Variants in MAX observed in about 807,000 individuals in gnomAD.
MAX encodes the protein protein max.
In MAX, 3 loss-of-function variants were observed where a neutral mutation model predicts 22.3. The ratio of observed to expected loss-of-function variants is 0.13; its 90% CI spans 0.06 to 0.35. MAX has a LOEUF of 0.35. MAX is among the 10% of genes least tolerant of loss of function. The pLI is 1.00. For missense variants in MAX, 119 were observed against 209.4 expected, an observed-to-expected ratio of 0.57 and a Z score of 2.66; for synonymous variants, 72 against 77.7, an observed-to-expected ratio of 0.93 and a Z score of 0.39.
At chr14:65,006,536 C>T (rs1344398883) in intron 3 of MAX, among the ~76,000 whole-genome samples, 1 of 152,172 alleles carries the variant, frequency 6.6e-6, no homozygotes, top group Non-Finnish European at 1.5e-5. Context: ...AGCTTAGCCT[C>T]CCCAGAGGGG....
intron 3 of MAX, among the ~76,000 whole-genome samples, chr14:65,055,758 A>G (rs745430603): frequency 2.0e-5 from 3 of 152,030 alleles, no homozygotes; most frequent in Non-Finnish European, 4.4e-5. Flanking sequence ...CTCAAGTGAT[A>G]TGCCTGCCTC....
Position 65,007,735 on chromosome 14 carries a change from C to T in MAX, c.172-1451G>A, listed in dbSNP as rs148307670. ...CCCTGTGGGTATTGTCACGGTTTCACACCCTTTTGAATGTACCCTTTTGCA... is the reference window on the plus strand; with the variant it reads ...CCCTGTGGGTATTGTCACGGTTTCATACCCTTTTGAATGTACCCTTTTGCA... On this transcript the variant is annotated intron_variant, in intron 3 of 3. Transcript: ENST00000341653. This position sits in a 1 kb window ranked among gnomAD's most constrained non-coding sequence, Gnocchi z 4.9. Among the ~76,000 whole-genome samples, 13 of 152,316 alleles carry T rather than the reference C, an allele frequency of 8.5e-5. No homozygotes were observed. In the East Asian group the frequency reaches 2.5e-3, roughly 29 times the overall value.
At chr14:65,057,913 T>A (rs558040014) in intron 3 of MAX, among the ~76,000 whole-genome samples, 2 of 152,342 alleles carry the variant, frequency 1.3e-5, no homozygotes, top group South Asian at 4.1e-4. Context: ...CTTTGGTCTG[T>A]TTGCCTATCT....
intron 3 of MAX, among the ~76,000 whole-genome samples, chr14:65,058,277 G>A (rs2062786850): frequency 6.7e-6 from 1 of 148,262 alleles, no homozygotes. Context: ...TTCGGTTAGA[G>A]TTATGTCTAA....
intron 3 of MAX, chr14:65,015,500 T>C (rs1247459716): frequency 2.9e-6 from 2 of 688,736 alleles, no homozygotes; most frequent in Admixed American, 5.9e-5. Flanking sequence ...CACTGATTGT[T>C]GTTTGAGCAA....
In MAX at chr14:65,007,047, G is replaced by A. The variant is rs2061605835; in HGVS notation, c.172-763C>T. 6.6e-6 allele frequency among the ~76,000 whole-genome samples: 1 copy of A among 152,162 alleles called. No homozygotes were observed. Among genetic ancestry groups the A allele is most frequent in the Admixed American group, 6.5e-5 (1 of 15,278 alleles). ...TTCACAATTACCCGTTTTTATCATT[G>A]TTGCCTATGAAATTGAGTGTTTTAA... On this transcript the variant is annotated intron_variant, in intron 3 of 3. Coordinates refer to the MAX transcript ENST00000341653. This position sits in a 1 kb window ranked among gnomAD's most constrained non-coding sequence, Gnocchi z 4.9.
chr14:65,010,348 A>T (rs2061663907), intron 3 of MAX, among the ~76,000 whole-genome samples: 1 of 152,150 alleles, frequency 6.6e-6, no homozygotes, highest in African/African-American at 2.4e-5. Flanking sequence ...GTGTGCAGAC[A>T]AATGCTTCGT....
In MAX at chr14:65,078,207, T is replaced by A. The variant is rs188570373; in HGVS notation, c.172-171A>T. Among the ~76,000 whole-genome samples, 4,517 of 148,466 alleles carry A rather than the reference T, an allele frequency of 0.03. 178 individuals carry two copies. Among genetic ancestry groups the A allele is most frequent in the African/African-American group, 0.091 (3,707 of 40,852 alleles). ...GTAGGCTTTATTTATTTATTTATTT[T>A]TTTATTTTTTTGAGACAGAGTTTCG... On this transcript the variant is annotated intron_variant, in intron 3 of 4. Transcript: ENST00000358664. This position sits in a 1 kb window ranked among gnomAD's most constrained non-coding sequence, Gnocchi z 6.4.
downstream of MAX, among the ~76,000 whole-genome samples, chr14:65,073,805 G>A (rs918740427): frequency 6.6e-6 from 1 of 152,330 alleles, no homozygotes; most frequent in South Asian, 2.1e-4. Context: ...TGCCCAGGAA[G>A]CTGCTTCCAG....
intron 3 of MAX, among the ~76,000 whole-genome samples, chr14:65,052,440 C>T (rs1239878748): frequency 1.3e-5 from 2 of 152,052 alleles, no homozygotes; most frequent in African/African-American, 2.4e-5. Flanking sequence ...ATAAAATTGA[C>T]CAAGGACTTA....
intron 3 of MAX, among the ~76,000 whole-genome samples, chr14:65,089,068 A>T (rs1467109140): frequency 6.6e-6 from 1 of 152,232 alleles, no homozygotes; most frequent in Non-Finnish European, 1.5e-5. Context: ...TCCCAACAAC[A>T]GAGCAAGACC....
intron 3 of MAX, among the ~76,000 whole-genome samples, chr14:65,089,212 GCTCT>G (rs1397334191): frequency 1.3e-5 from 2 of 152,002 alleles, no homozygotes; most frequent in African/African-American, 4.8e-5. Context: ...GTTTCCTCTG[GCTCT>G]CTCTCTCCAC....
intron 3 of MAX, among the ~76,000 whole-genome samples, chr14:65,081,683 G>A (rs759770877): frequency 6.6e-6 from 1 of 152,148 alleles, no homozygotes; most frequent in Non-Finnish European, 1.5e-5. Flanking sequence ...GTGCTGCCTT[G>A]GGTACTCAGT....
At chr14:65,101,279 C>A (rs2411996) in intron 2 of MAX, among the ~76,000 whole-genome samples, 2 of 152,198 alleles carry the variant, frequency 1.3e-5, no homozygotes, top group African/African-American at 4.8e-5. Context: ...ATCTGGATCC[C>A]CTATCTGAAA....
intron 2 of MAX, among the ~76,000 whole-genome samples, chr14:65,098,355 A>G (rs1003690852): frequency 8.5e-5 from 13 of 152,216 alleles, no homozygotes; most frequent in African/African-American, 3.1e-4. Context: ...GAATATTCCT[A>G]AAGAAGCAAA....
chr14:65,045,995 A>AT (rs989756044), intron 3 of MAX, among the ~76,000 whole-genome samples: 8 of 151,156 alleles, frequency 5.3e-5, no homozygotes, highest in African/African-American at 9.7e-5. Flanking sequence ...TTTTAGTATT[A>AT]TTTTTTTTTG....
chr14:65,017,962 T>A (rs889042099), intron 3 of MAX, among the ~76,000 whole-genome samples: 2 of 152,002 alleles, frequency 1.3e-5, no homozygotes, highest in South Asian at 2.1e-4. Flanking sequence ...CTCAAAAAAA[T>A]AAATAAATAA....
At chr14:65,016,764 C>T (rs58539554) in intron 3 of MAX, among the ~76,000 whole-genome samples, 16,059 of 152,086 alleles carry the variant, frequency 0.11, 1,148 homozygotes, top group East Asian at 0.29. Context: ...GCCATTAACC[C>T]TTGTGGTACG....
chr14:65,055,222 A>C (rs77834569), intron 3 of MAX, among the ~76,000 whole-genome samples: 2,588 of 152,302 alleles, frequency 0.017, 28 homozygotes, highest in Middle Eastern at 0.027. Flanking sequence ...TCCTGAAAAA[A>C]CAATAGCCCT....
Sources: gnomAD v4.1 joint callset for allele counts (sites outside exome capture counted in the v4.1 genomes callset) on GRCh38, gnomAD v4.1.1 for gene constraint, Gnocchi (gnomAD v3.1) non-coding constraint, MANE v1.5 for transcripts, NCBI Gene and HGNC (gene_info 2026-07-23, HGNC 2026-07-21) for gene names.